Variants in ZDHHC24 observed in about 807,000 individuals in gnomAD.
ZDHHC24 encodes probable palmitoyltransferase ZDHHC24.
A neutral mutation model predicts 23.2 loss-of-function variants in ZDHHC24; 17 were observed. The observed-to-expected ratio is 0.73, with a 90% CI of 0.50 to 1.10. The LOEUF is 1.10. Ranked by LOEUF, ZDHHC24 falls within the 50% of genes least tolerant of loss-of-function variation. ZDHHC24 has a pLI of 0.00. For missense variants in ZDHHC24, 366 were observed against 393.0 expected, an observed-to-expected ratio of 0.93 and a Z score of 0.58; for synonymous variants, 186 against 194.5, an observed-to-expected ratio of 0.96 and a Z score of 0.36.
chr11:66,535,992 G>C lies in ZDHHC24; in HGVS notation c.*3537C>G, dbSNP rs566464780. 1.6e-3 allele frequency: 238 copies of C among 152,282 alleles called. No homozygotes were observed. Among genetic ancestry groups the C allele is most frequent in the African/African-American group, 5.6e-3 (232 of 41,560 alleles). 9.4% of individuals were successfully genotyped at this position (152,282 alleles called of 1,614,324 possible). On this transcript the variant is annotated 3_prime_UTR_variant, in exon 3 of 3. Coordinates refer to ENST00000310442, the MANE Select transcript of ZDHHC24 (RefSeq NM_207340.3). ...ACACAATAATCCGGATACATCTCAG[G>C]AACATAATCAAGTGAAAAGGCAAAC...
At position 66,543,850 on chromosome 11, in the gene ZDHHC24, G is replaced by A. The variant is rs957327742; in HGVS notation, c.413C>T (p.Pro138Leu). ...GRCVGFGNYR[P>L]FLCLLLHAAG... Reference sequence around the variant, plus strand: ...GGCATGAAGCAGCAGGCACAGGAAGGGCCGGTAGTTGCCGAAGCCCACGCA... The same window carrying A: ...GGCATGAAGCAGCAGGCACAGGAAGAGCCGGTAGTTGCCGAAGCCCACGCA... Residue 138 changes from proline (P) to leucine (L), a missense_variant, in exon 2 of 3, where the codon CCC becomes CTC. By Grantham distance (98) the Pro-to-Leu change is moderately conservative. Coordinates refer to ENST00000310442, the MANE Select transcript of ZDHHC24 (RefSeq NM_207340.3). 2.5e-6 allele frequency: 4 copies of A among 1,613,886 alleles called. No homozygotes were observed. The highest frequency in any genetic ancestry group is 3.4e-6 in the Non-Finnish European group (4 of 1,179,870).
At chr11:66,540,427 CA>C (rs1184182591) in intron 2 of ZDHHC24, among the ~76,000 whole-genome samples, 820 of 52,562 alleles carry the variant, frequency 0.016, 5 homozygotes, top group African/African-American at 0.054. Context: ...ACTCCCATCT[CA>C]AAAAAAAAAA....
chr11:66,532,091 G>A (rs1856810706), downstream of ZDHHC24: 2 of 1,540,396 alleles, frequency 1.3e-6, no homozygotes, highest in Non-Finnish European at 1.8e-6. Context: ...AACTGGGCGG[G>A]TTTAGTGGCC....
At chr11:66,521,670 C>A in intron 4 of ZDHHC24, 1 of 386,144 alleles carries the variant, frequency 2.6e-6, no homozygotes, top group South Asian at 2.2e-5. Flanking sequence ...CTTTGGGAGG[C>A]CGAGGCAAGC....
rs530943594 is a variant in ZDHHC24, at chr11:66,539,245, AG to A, written c.*283del. The stretch of plus-strand genomic sequence containing the variant: ...AAGTGAGGGGCCAGAAACTATGCAA[AG>A]ATGGAGGGAGGCTGAGAAACAAGTC... On this transcript the variant is annotated 3_prime_UTR_variant, in exon 3 of 3. Coordinates refer to ENST00000310442, the MANE Select transcript of ZDHHC24 (RefSeq NM_207340.3). 5.3e-5 allele frequency: 61 copies of A among 1,143,912 alleles called. No homozygotes were observed. In the African/African-American group the frequency reaches 8.8e-4, roughly 16 times the overall value. 70.9% of individuals were successfully genotyped at this position (1,143,912 alleles called of 1,614,324 possible).
downstream of ZDHHC24, chr11:66,532,175 A>G (rs959524321): frequency 2.2e-6 from 2 of 892,824 alleles, no homozygotes; most frequent in African/African-American, 3.4e-5. Flanking sequence ...CCGCTTCCTC[A>G]CCACCCCCAC....
At chr11:66,529,118 C>A in intron 3 of ZDHHC24, 2 of 980,290 alleles carry the variant, frequency 2.0e-6, no homozygotes, top group Non-Finnish European at 2.4e-6. Context: ...GAAGCCACTT[C>A]ACACATAAAC....
chr11:66,523,614 T>C (rs1212494923), intron 4 of ZDHHC24: 3 of 1,613,524 alleles, frequency 1.9e-6, no homozygotes, highest in African/African-American at 1.3e-5. Flanking sequence ...TCCACGCCTA[T>C]GTCCCTAGCC....
chr11:66,527,311 G>A (rs545594348), intron 3 of ZDHHC24, among the ~76,000 whole-genome samples: 14 of 151,792 alleles, frequency 9.2e-5, no homozygotes, highest in African/African-American at 3.1e-4. Flanking sequence ...TTCATCGTTC[G>A]TTCATTCATT....
intron 4 of ZDHHC24, among the ~76,000 whole-genome samples, chr11:66,522,074 G>A (rs1284403952): frequency 1.3e-5 from 2 of 151,164 alleles, no homozygotes; most frequent in Non-Finnish European, 2.9e-5. Flanking sequence ...AAAATTAGCT[G>A]GGCATGGTGG....
In ZDHHC24 at chr11:66,545,076, G is replaced by C. The variant is rs773044244; in HGVS notation, c.281+647C>G. Among the ~76,000 whole-genome samples the C allele has an allele frequency of 3.2e-4, 48 of 151,896 alleles. 1 individual carries two copies. The highest frequency in any genetic ancestry group is 1.5e-4 in the Non-Finnish European group (10 of 67,918). ...TTTGAGACGGAGGGAGTCTTGCTCT[G>C]TCACCCAGGCTGGAGTGCAGTGGCT... On this transcript the variant is annotated intron_variant, in intron 1 of 2. Coordinates refer to ENST00000310442, the MANE Select transcript of ZDHHC24 (RefSeq NM_207340.3). The surrounding 1 kb of genome is among the most constrained non-coding windows in gnomAD (Gnocchi z 4.5).
downstream of ZDHHC24, chr11:66,532,077 G>A (rs1856809741): frequency 6.4e-7 from 1 of 1,566,584 alleles, no homozygotes; most frequent in African/African-American, 1.4e-5. Flanking sequence ...AATCAGCCAG[G>A]GAGAACTGGG....
At chr11:66,529,776 AC>A (rs779591070) in intron 2 of ZDHHC24, 9 of 1,604,078 alleles carry the variant, frequency 5.6e-6, no homozygotes, top group African/African-American at 2.7e-5. Flanking sequence ...CCTCCCTGCC[AC>A]CCCCCACCTC....
downstream of ZDHHC24, chr11:66,531,528 C>A (rs770875606): frequency 3.3e-6 from 4 of 1,216,808 alleles, no homozygotes; most frequent in Non-Finnish European, 4.9e-6. Context: ...CCTCCTCCAC[C>A]CAGCAGTTGT....
intron 4 of ZDHHC24, among the ~76,000 whole-genome samples, chr11:66,522,614 G>A (rs956675826): frequency 7.9e-5 from 12 of 152,048 alleles, no homozygotes; most frequent in East Asian, 3.9e-4. Context: ...CCAAAGTGCC[G>A]GGATTACAGT....
rs752350737 is a variant in ZDHHC24 at position 66,523,918 on chromosome 11, C to T, written c.*22-2452G>A. On this transcript the variant is annotated intron_variant, in intron 4 of 4. Transcript: ENST00000526986. ...TCTCCGGCATCTGCCACTCACTCCTCCTTGCCCTCGTCTCACCTCTGGGGC... is the reference window on the plus strand; with the variant it reads ...TCTCCGGCATCTGCCACTCACTCCTTCTTGCCCTCGTCTCACCTCTGGGGC... 1.3e-5 allele frequency: 21 copies of T among 1,610,412 alleles called. No homozygotes were observed. The Admixed American group carries it at 1.3e-4, about 10-fold the overall frequency.
intron 4 of ZDHHC24, among the ~76,000 whole-genome samples, chr11:66,525,565 A>G (rs150235426): frequency 1.4e-4 from 21 of 152,074 alleles, no homozygotes; most frequent in African/African-American, 4.8e-4. Context: ...CTCCATCTCA[A>G]AAAAAAAGTA....
At chr11:66,526,044 G>A (rs1856473656) in intron 4 of ZDHHC24, 2 of 1,273,612 alleles carry the variant, frequency 1.6e-6, no homozygotes, top group Non-Finnish European at 2.3e-6. Flanking sequence ...TATTATATCT[G>A]GGGCCTCCCC....
chr11:66,520,844 T>C (rs1011088575), downstream of ZDHHC24: 6 of 302,164 alleles, frequency 2.0e-5, no homozygotes, highest in African/African-American at 1.3e-4. Context: ...AACAGTCCTC[T>C]CACCTCATCT....
Sources: gnomAD v4.1 joint callset for allele counts (sites outside exome capture counted in the v4.1 genomes callset) on GRCh38, gnomAD v4.1.1 for gene constraint, Gnocchi (gnomAD v3.1) non-coding constraint, MANE v1.5 for transcripts, NCBI Gene and HGNC (gene_info 2026-07-23, HGNC 2026-07-21) for gene names.